The following NECTIN3 variants were observed in gnomAD, a reference collection of about 807,000 sequenced individuals.
NECTIN3 encodes nectin-3.
NECTIN3 carries 8 observed loss-of-function variants against 49.4 expected under a neutral mutation model. The observed-to-expected ratio is 0.16, with a 90% CI of 0.10 to 0.29. The LOEUF (loss-of-function observed/expected upper bound fraction) is 0.29. NECTIN3 is among the 10% of genes least tolerant of loss of function. The pLI, the probability that NECTIN3 is intolerant of heterozygous loss-of-function variation, is 1.00. For synonymous variants in NECTIN3, 277 were observed against 241.1 expected (o/e 1.15, Z -1.38); for missense variants, 581 against 654.6 (o/e 0.89, Z 1.23).
At chr3:111,180,521 A>T (rs2035607678) in intron 7 of NECTIN3, among the ~76,000 whole-genome samples, 1 of 152,238 alleles carries the variant, frequency 6.6e-6, no homozygotes, top group African/African-American at 2.4e-5. Flanking sequence ...GACCTCTCTC[A>T]TAACTATTTA....
intron 7 of NECTIN3, among the ~76,000 whole-genome samples, chr3:111,167,327 A>G (rs1339494894): frequency 6.6e-6 from 1 of 152,200 alleles, no homozygotes. Context: ...CTCAGAAAGC[A>G]CATTATCTAA....
chr3:111,072,402 G>T (rs559976133), intron 1 of NECTIN3: 3 of 1,517,790 alleles, frequency 2.0e-6, no homozygotes, highest in East Asian at 5.0e-5. Flanking sequence ...CCCCGCGGCC[G>T]CGCGGGTCGC....
intron 7 of NECTIN3, among the ~76,000 whole-genome samples, chr3:111,148,085 T>G (rs898197911): frequency 4.6e-5 from 7 of 152,216 alleles, no homozygotes; most frequent in Admixed American, 3.9e-4. Flanking sequence ...ATGTTTGTTT[T>G]GTCTTTTTCT....
At chr3:111,146,433 C>CAAAA (rs530786189) in intron 6 of NECTIN3, among the ~76,000 whole-genome samples, 2 of 58,286 alleles carry the variant, frequency 3.4e-5, no homozygotes, top group African/African-American at 6.1e-5. Flanking sequence ...GACTCCGTCT[C>CAAAA]AAAAAAAAAA....
chr3:111,132,964 A>G (rs951284500), intron 5 of NECTIN3, among the ~76,000 whole-genome samples: 2 of 151,712 alleles, frequency 1.3e-5, no homozygotes, highest in African/African-American at 4.8e-5. Context: ...ATGCTTTTTT[A>G]TTTTTTTAAA....
At chr3:111,178,460 A>G (rs2035570232) in intron 7 of NECTIN3, among the ~76,000 whole-genome samples, 1 of 152,194 alleles carries the variant, frequency 6.6e-6, no homozygotes. Flanking sequence ...ATAAATTTTT[A>G]AGGCATTATC....
At chr3:111,124,130 T>A (rs930106072) in intron 4 of NECTIN3, among the ~76,000 whole-genome samples, 1 of 152,174 alleles carries the variant, frequency 6.6e-6, no homozygotes, top group Non-Finnish European at 1.5e-5. Flanking sequence ...CCTTTTTCAT[T>A]TACATTTTTT....
intron 2 of NECTIN3, among the ~76,000 whole-genome samples, chr3:111,115,156 T>A (rs1486967612): frequency 6.6e-6 from 1 of 152,202 alleles, no homozygotes; most frequent in Non-Finnish European, 1.5e-5. Context: ...AAACTCATAA[T>A]GTCTCCAGAC....
At chr3:111,141,967 G>A (rs1044004301), downstream of NECTIN3, among the ~76,000 whole-genome samples, 3 of 151,790 alleles carry the variant, frequency 2.0e-5, no homozygotes, top group Admixed American at 6.6e-5. Context: ...GTATGTATAT[G>A]TTTATTTGGG....
At chr3:111,165,537 GAGA>G (rs1481604835) in intron 7 of NECTIN3, among the ~76,000 whole-genome samples, 1 of 152,138 alleles carries the variant, frequency 6.6e-6, no homozygotes, top group African/African-American at 2.4e-5. Context: ...GAAATGTAAG[GAGA>G]AGATTGAAAC....
intron 4 of NECTIN3, among the ~76,000 whole-genome samples, chr3:111,125,255 C>T (rs941312945): frequency 6.6e-6 from 1 of 151,872 alleles, no homozygotes; most frequent in African/African-American, 2.4e-5. Context: ...TCTCTGACTC[C>T]TGACCTCAAG....
chr3:111,106,207 C>A (rs2033175172), intron 1 of NECTIN3, among the ~76,000 whole-genome samples: 1 of 152,084 alleles, frequency 6.6e-6, no homozygotes, highest in Non-Finnish European at 1.5e-5. Context: ...TGTCTGTTTC[C>A]TCATTAAAAT....
At chr3:111,121,825 C>T (rs1405423272) in intron 3 of NECTIN3, among the ~76,000 whole-genome samples, 4 of 152,090 alleles carry the variant, frequency 2.6e-5, no homozygotes, top group African/African-American at 4.8e-5. Flanking sequence ...AGGATTCTTA[C>T]ATTTTGCTTT....
chr3:111,124,181 A>T (rs114090277), intron 4 of NECTIN3, among the ~76,000 whole-genome samples: 1,711 of 152,184 alleles, frequency 0.011, 33 homozygotes, highest in African/African-American at 0.038. Context: ...TTTATTTGAT[A>T]GAGTGTTTCT....
chr3:111,181,392 T>C (rs2107532570), intron 7 of NECTIN3, among the ~76,000 whole-genome samples: 1 of 152,330 alleles, frequency 6.6e-6, no homozygotes, highest in African/African-American at 2.4e-5. Flanking sequence ...TTTAAAGTTT[T>C]GGGATGTTGT....
intron 2 of NECTIN3, among the ~76,000 whole-genome samples, chr3:111,113,475 G>A (rs1050845279): frequency 1.3e-5 from 2 of 152,094 alleles, no homozygotes; most frequent in African/African-American, 4.8e-5. Context: ...TGTCTCTGAA[G>A]TATAGGACAG....
At chr3:111,095,774 T>TA (rs1406189273) in intron 1 of NECTIN3, among the ~76,000 whole-genome samples, 2 of 152,196 alleles carry the variant, frequency 1.3e-5, no homozygotes, top group Admixed American at 6.5e-5. Flanking sequence ...TCTATGCCTG[T>TA]AGCCATCCAT....
intron 1 of NECTIN3, among the ~76,000 whole-genome samples, chr3:111,079,299 T>G (rs2031442011): frequency 6.6e-6 from 1 of 152,064 alleles, no homozygotes; most frequent in Admixed American, 6.6e-5. Context: ...GTGGCTATTT[T>G]GAAACTGTGC....
chr3:111,174,805 G>C (rs1026998655), intron 7 of NECTIN3, among the ~76,000 whole-genome samples: 1 of 152,106 alleles, frequency 6.6e-6, no homozygotes, highest in Non-Finnish European at 1.5e-5. Context: ...TGCCCTTTTA[G>C]CCCTGCTGTC....
Sources: gnomAD v4.1 joint callset for allele counts (sites outside exome capture counted in the v4.1 genomes callset) on GRCh38, gnomAD v4.1.1 for gene constraint, MANE v1.5 for transcripts, NCBI Gene and HGNC (gene_info 2026-07-23, HGNC 2026-07-21) for gene names.